The following PTPN4 variants were observed in gnomAD, a reference collection of about 807,000 sequenced individuals.
PTPN4 encodes tyrosine-protein phosphatase non-receptor type 4.
In PTPN4, 49 loss-of-function variants were observed where a neutral mutation model predicts 135.5. That is an observed-to-expected ratio of 0.36 (90% CI 0.29 to 0.46). The LOEUF is 0.46. Among genes scored for constraint, PTPN4 ranks in the 20% least tolerant of loss-of-function variants. The pLI is 1.00. For missense variants in PTPN4, 860 were observed against 1,101.0 expected, an observed-to-expected ratio of 0.78 and a Z score of 3.10; for synonymous variants, 333 against 369.9, an observed-to-expected ratio of 0.90 and a Z score of 1.14.
intron 2 of PTPN4, among the ~76,000 whole-genome samples, chr2:119,845,695 TG>T (rs1200847708): frequency 6.6e-6 from 1 of 152,176 alleles, no homozygotes; most frequent in East Asian, 1.9e-4. Context: ...TTTTCTTTAT[TG>T]TTTTTTAATT....
At position 119,977,343 on chromosome 2, in the gene PTPN4, G is replaced by A; in HGVS notation, c.*273G>A. On this transcript the variant is annotated 3_prime_UTR_variant, in exon 27 of 27. Coordinates refer to ENST00000263708, the MANE Select transcript of PTPN4 (RefSeq NM_002830.4). ...AGGGTAATTTATGAAATTTTGTGGTGGTGCCATGCAATCCCCTTTTGGTAG... is the reference window on the plus strand; with the variant it reads ...AGGGTAATTTATGAAATTTTGTGGTAGTGCCATGCAATCCCCTTTTGGTAG... 3.0e-6 allele frequency: 1 copy of A among 335,612 alleles called. No homozygotes were observed. The highest frequency in any genetic ancestry group is 4.6e-6 in the Non-Finnish European group (1 of 215,948). The allele number at this position is 335,612 out of a possible 1,614,324, so 20.8% of individuals were successfully genotyped here. A position where few individuals can be genotyped will look rare whatever the true frequency, so the allele number is the denominator to read the frequency against.
At position 119,932,494 on chromosome 2, in the gene PTPN4, G is replaced by A; in HGVS notation, c.1141G>A (p.Asp381Asn). Residue 381 changes from aspartate to asparagine, a missense_variant, in exon 14 of 27, where the codon GAC becomes AAC. By Grantham distance (23) the Asp-to-Asn change is conservative (BLOSUM62 1). Around this residue, in one of 2 missense-constraint regions of PTPN4, gnomAD observed 684 missense variants for 807.0 expected, o/e 0.85. Transcript: ENST00000263708. ...AGTAAGCAGAAATTCAATATCTGAT[G>A]ACAGGTTAGAAACACAAAGTCTTCC... Reference protein sequence around the residue: ...EVVSRNSISDDRLETQSLPSR... With the variant: ...EVVSRNSISDNRLETQSLPSR... 2 of 1,611,906 alleles carry A rather than the reference G, an allele frequency of 1.2e-6. No individual in the cohort carries two copies. Among genetic ancestry groups the A allele is most frequent in the Middle Eastern group, 1.7e-4 (1 of 6,058 alleles).
chr2:119,939,379 C>T (rs750292448), intron 15 of PTPN4, among the ~76,000 whole-genome samples: 1 of 152,188 alleles, frequency 6.6e-6, no homozygotes, highest in Non-Finnish European at 1.5e-5. Context: ...CCGCTCACTG[C>T]AGCCTAGACC....
At chr2:119,813,554 C>T (rs1676935046) in intron 2 of PTPN4, among the ~76,000 whole-genome samples, 2 of 151,988 alleles carry the variant, frequency 1.3e-5, no homozygotes, top group Admixed American at 6.6e-5. Context: ...GTCACAGTGG[C>T]TGGTTTCTAA....
In PTPN4 at chr2:119,888,765, C is replaced by G. The variant is rs75061832; in HGVS notation, c.675+2883C>G. 3.2e-3 allele frequency among the ~76,000 whole-genome samples: 494 copies of G among 152,210 alleles called. 2 individuals are homozygous for G. The highest frequency in any genetic ancestry group is 0.011 in the African/African-American group (468 of 41,554). Reference sequence around the variant, plus strand: ...TTCAAGATGTTGGTGTCTGTGTTCACTAGGGATATTGGCCTGTAGTTTTCT... The same window carrying G: ...TTCAAGATGTTGGTGTCTGTGTTCAGTAGGGATATTGGCCTGTAGTTTTCT... On this transcript the variant is annotated intron_variant, in intron 9 of 26. Coordinates refer to ENST00000263708, the MANE Select transcript of PTPN4 (RefSeq NM_002830.4).
chr2:119,938,914 G>T (rs1159260796), intron 15 of PTPN4, among the ~76,000 whole-genome samples: 1 of 152,014 alleles, frequency 6.6e-6, no homozygotes, highest in African/African-American at 2.4e-5. Context: ...CTTTGTTTTA[G>T]ATGCAACTAT....
chr2:119,849,571 G>A (rs1677560163), intron 2 of PTPN4, among the ~76,000 whole-genome samples: 1 of 152,154 alleles, frequency 6.6e-6, no homozygotes, highest in South Asian at 2.1e-4. Flanking sequence ...CCAAAGTGTT[G>A]GGATTAGAGG....
intron 6 of PTPN4, 74 bp from the exon 7 acceptor site, chr2:119,882,023 G>A: frequency 7.3e-7 from 1 of 1,373,384 alleles, no homozygotes; most frequent in Non-Finnish European, 1.0e-6. Flanking sequence ...AAGTGTGATT[G>A]TTTAACAAAT....
In PTPN4 at chr2:119,802,253, A is replaced by G. The variant is rs150515908; in HGVS notation, c.-17-7584A>G. 5.9e-5 allele frequency among the ~76,000 whole-genome samples: 9 copies of G among 152,246 alleles called. No individual in the cohort carries two copies. In the Middle Eastern group the frequency reaches 0.017, roughly 288 times the overall value. ...TAGGACTTGCAGCATTATGTTGCAT[A>G]TGAGTGGTGAGAGCAGATACCCTTC... On this transcript the variant is annotated intron_variant, in intron 1 of 26. Coordinates refer to ENST00000263708, the MANE Select transcript of PTPN4 (RefSeq NM_002830.4).
chr2:119,941,061 A>G (rs778253569), intron 15 of PTPN4, among the ~76,000 whole-genome samples: 12 of 152,084 alleles, frequency 7.9e-5, no homozygotes, highest in African/African-American at 2.7e-4. Flanking sequence ...TTATTCTCCA[A>G]ATTGCATCAT....
intron 2 of PTPN4, among the ~76,000 whole-genome samples, chr2:119,822,735 T>G (rs1422279932): frequency 6.6e-6 from 1 of 151,910 alleles, no homozygotes; most frequent in African/African-American, 2.4e-5. Flanking sequence ...GTACATTCCT[T>G]CTTTTTTTTT....
At chr2:119,898,200 A>T (rs2105013358) in intron 9 of PTPN4, among the ~76,000 whole-genome samples, 1 of 152,376 alleles carries the variant, frequency 6.6e-6, no homozygotes, top group South Asian at 2.1e-4. Flanking sequence ...TGGTTTAAGA[A>T]ACAGATAAAT....
intron 1 of PTPN4, among the ~76,000 whole-genome samples, chr2:119,797,876 GCTT>G (rs1370657822): frequency 6.6e-6 from 1 of 151,998 alleles, no homozygotes; most frequent in Non-Finnish European, 1.5e-5. Context: ...TTGCCTAAGC[GCTT>G]CTTCTTTTTT....
At chr2:119,966,546 C>T (rs1471080187) in intron 25 of PTPN4, among the ~76,000 whole-genome samples, 1 of 152,162 alleles carries the variant, frequency 6.6e-6, no homozygotes, top group Non-Finnish European at 1.5e-5. Context: ...GTGTGAGCCA[C>T]CGCGCCTCAC....
chr2:119,921,450 G>A (rs971521141), intron 12 of PTPN4, among the ~76,000 whole-genome samples: 2 of 152,084 alleles, frequency 1.3e-5, no homozygotes, highest in Non-Finnish European at 2.9e-5. Flanking sequence ...AAAAATAACA[G>A]TATGAAGCTT....
At chr2:119,944,589 A>G (rs1160614349) in intron 15 of PTPN4, among the ~76,000 whole-genome samples, 1 of 151,950 alleles carries the variant, frequency 6.6e-6, no homozygotes, top group Non-Finnish European at 1.5e-5. Context: ...TGATCTCAGC[A>G]CTCTTACTCA....
At chr2:119,940,524 T>C (rs1679045650) in intron 15 of PTPN4, among the ~76,000 whole-genome samples, 1 of 152,178 alleles carries the variant, frequency 6.6e-6, no homozygotes, top group Non-Finnish European at 1.5e-5. Context: ...GGCGCAATTA[T>C]AGCTCACCAC....
chr2:119,762,576 G>C (rs918388354), intron 1 of PTPN4, among the ~76,000 whole-genome samples: 1 of 152,028 alleles, frequency 6.6e-6, no homozygotes, highest in African/African-American at 2.4e-5. Flanking sequence ...AAGGAGGTTT[G>C]TTATTGAGAG....
chr2:119,902,152 A>G (rs2105015728), intron 10 of PTPN4, among the ~76,000 whole-genome samples: 1 of 152,368 alleles, frequency 6.6e-6, no homozygotes, highest in African/African-American at 2.4e-5. Context: ...GCTGCAGATA[A>G]TCAGAAAATC....
Sources: allele counts gnomAD v4.1 joint callset (sites outside exome capture counted in the v4.1 genomes callset), GRCh38; gene constraint gnomAD v4.1.1; regional missense constraint gnomAD v4.1.1; transcripts MANE v1.5; gene names NCBI Gene and HGNC (gene_info 2026-07-23, HGNC 2026-07-21).